The following NLGN1 variants were observed in gnomAD, a reference collection of about 807,000 sequenced individuals.
NLGN1 encodes neuroligin-1.
Under a neutral mutation model 65.5 loss-of-function variants are expected in NLGN1, and 12 were observed. The observed-to-expected ratio is 0.18, with a 90% confidence interval of 0.12 to 0.30. The LOEUF (loss-of-function observed/expected upper bound fraction) is 0.30. Among genes scored for constraint, NLGN1 ranks in the 10% least tolerant of loss-of-function variants. The probability of loss-of-function intolerance (pLI) is 1.00; values close to 1 mark genes in which losing one functional copy is unlikely to be tolerated. For synonymous variants in NLGN1, 350 were observed against 359.5 expected, an observed-to-expected ratio of 0.97 and a Z score of 0.30; for missense variants, 750 against 1,007.1, an observed-to-expected ratio of 0.74 and a Z score of 3.46.
chr3:173,879,675 A>G (rs1289382463), intron 4 of NLGN1, among the ~76,000 whole-genome samples: 2 of 151,670 alleles, frequency 1.3e-5, no homozygotes, highest in Non-Finnish European at 2.9e-5. Flanking sequence ...TATTCTGGGC[A>G]TCATGAATGA....
At chr3:173,482,567 T>C (rs1727474044) in intron 2 of NLGN1, among the ~76,000 whole-genome samples, 1 of 151,948 alleles carries the variant, frequency 6.6e-6, no homozygotes, top group Non-Finnish European at 1.5e-5. Flanking sequence ...TTTAAAAATT[T>C]GCTAAATCCC....
chr3:174,190,217 T>C (rs1340866496), intron 4 of NLGN1, among the ~76,000 whole-genome samples: 1 of 152,096 alleles, frequency 6.6e-6, no homozygotes, highest in Non-Finnish European at 1.5e-5. Flanking sequence ...TCAAATGTAG[T>C]ATTTGCTCCA....
chr3:173,907,100 A>G (rs1451328168), intron 4 of NLGN1, among the ~76,000 whole-genome samples: 1 of 152,192 alleles, frequency 6.6e-6, no homozygotes, highest in East Asian at 1.9e-4. Context: ...ATAATTGGTG[A>G]CATGAAATAT....
chr3:173,547,539 TCCAG>T (rs1740083651), intron 2 of NLGN1, among the ~76,000 whole-genome samples: 1 of 152,156 alleles, frequency 6.6e-6, no homozygotes, highest in South Asian at 2.1e-4. Flanking sequence ...CAATATTATA[TCCAG>T]ATATGCAGTC....
At chr3:173,553,577 G>A (rs148136693) in intron 2 of NLGN1, among the ~76,000 whole-genome samples, 3 of 152,176 alleles carry the variant, frequency 2.0e-5, no homozygotes, top group Non-Finnish European at 4.4e-5. Flanking sequence ...TGAACTGAAA[G>A]ACTACAGAAA....
chr3:173,970,203 C>G (rs1036020740), intron 4 of NLGN1, among the ~76,000 whole-genome samples: 8 of 152,156 alleles, frequency 5.3e-5, no homozygotes, highest in Non-Finnish European at 7.4e-5. Context: ...TAACCACAGT[C>G]CTTGTTGCTA....
chr3:173,949,956 A>C (rs1426487652), intron 4 of NLGN1, among the ~76,000 whole-genome samples: 1 of 152,158 alleles, frequency 6.6e-6, no homozygotes, highest in Non-Finnish European at 1.5e-5. Context: ...GTACTTATTA[A>C]CTGTTAGCAA....
At chr3:173,960,451 G>A (rs549570887) in intron 4 of NLGN1, among the ~76,000 whole-genome samples, 56 of 151,912 alleles carry the variant, frequency 3.7e-4, no homozygotes, top group African/African-American at 1.3e-3. Context: ...ACTTTGGGGA[G>A]TTCTTTTTCT....
At chr3:173,589,207 A>G (rs1748022541) in intron 2 of NLGN1, among the ~76,000 whole-genome samples, 1 of 152,212 alleles carries the variant, frequency 6.6e-6, no homozygotes, top group Admixed American at 6.5e-5. Context: ...CCTGGTTTGT[A>G]TAGAAATTTT....
chr3:173,556,695 C>G (rs1438924777), intron 2 of NLGN1, among the ~76,000 whole-genome samples: 2 of 151,914 alleles, frequency 1.3e-5, no homozygotes, highest in Non-Finnish European at 2.9e-5. Flanking sequence ...GTCCTAGCTA[C>G]TAGGGAGGCT....
At chr3:173,649,864 T>G (rs1361991513) in intron 3 of NLGN1, among the ~76,000 whole-genome samples, 1 of 152,018 alleles carries the variant, frequency 6.6e-6, no homozygotes, top group Non-Finnish European at 1.5e-5. Context: ...ATTACTTGAG[T>G]TCTTATTTAA....
chr3:174,068,655 T>C (rs151201977), intron 4 of NLGN1, among the ~76,000 whole-genome samples: 137 of 152,246 alleles, frequency 9.0e-4, no homozygotes, highest in African/African-American at 3.1e-3. Context: ...TTTCAAAATT[T>C]GTTTTAAATA....
chr3:173,435,277 T>C (rs2148765270), intron 2 of NLGN1, among the ~76,000 whole-genome samples: 1 of 152,340 alleles, frequency 6.6e-6, no homozygotes. Flanking sequence ...TTTGACAAGC[T>C]GGCATAATCC....
chr3:173,468,958 G>A (rs1724852429), intron 2 of NLGN1, among the ~76,000 whole-genome samples: 1 of 152,116 alleles, frequency 6.6e-6, no homozygotes, highest in Non-Finnish European at 1.5e-5. Context: ...ATTGCAGGAT[G>A]AGCTGCTTCA....
At chr3:174,056,665 C>T (rs997918339) in intron 4 of NLGN1, among the ~76,000 whole-genome samples, 2 of 151,798 alleles carry the variant, frequency 1.3e-5, no homozygotes, top group African/African-American at 4.8e-5. Flanking sequence ...TTTTTATTTT[C>T]CCATAATGAA....
In NLGN1 at chr3:173,819,217, A is replaced by G. The variant is rs75135924; in HGVS notation, c.646+11385A>G. On this transcript the variant is annotated intron_variant, in intron 4 of 6. Transcript: ENST00000457714. ...CTTTCTATTCCCATTGCTACTACCTACTCACCTTGGGTTACCAAGTGGGTT... is the reference window on the plus strand; with the variant it reads ...CTTTCTATTCCCATTGCTACTACCTGCTCACCTTGGGTTACCAAGTGGGTT... Among the ~76,000 whole-genome samples, 460 of 151,756 alleles carry G rather than the reference A, an allele frequency of 3.0e-3. 3 individuals carry two copies. The highest frequency in any genetic ancestry group is 0.011 in the African/African-American group (442 of 41,388).
At chr3:173,454,576 G>C (rs1722203747) in intron 2 of NLGN1, among the ~76,000 whole-genome samples, 1 of 146,040 alleles carries the variant, frequency 6.8e-6, no homozygotes, top group Non-Finnish European at 1.5e-5. Flanking sequence ...TGTTATGGAG[G>C]ACATCTTCTT....
chr3:173,638,150 G>GTTTT (rs781581890), intron 3 of NLGN1, among the ~76,000 whole-genome samples: 1 of 146,768 alleles, frequency 6.8e-6, no homozygotes, highest in South Asian at 2.2e-4. Context: ...GTTTTGTTTT[G>GTTTT]TTTTTTAACC....
At chr3:173,444,792 A>G (rs930576688) in intron 2 of NLGN1, among the ~76,000 whole-genome samples, 3 of 151,880 alleles carry the variant, frequency 2.0e-5, no homozygotes, top group South Asian at 4.1e-4. Flanking sequence ...GTGTGTATAT[A>G]TAAATATAAA....
Sources: allele counts gnomAD v4.1 joint callset (sites outside exome capture counted in the v4.1 genomes callset), GRCh38; gene constraint gnomAD v4.1.1; transcripts MANE v1.5; gene names NCBI Gene and HGNC (gene_info 2026-07-23, HGNC 2026-07-21).